PTPRD: variants seen among roughly 807,000 people sequenced by gnomAD.
PTPRD encodes protein tyrosine phosphatase receptor type D, also known as receptor-type tyrosine-protein phosphatase delta.
Under a neutral mutation model 214.5 loss-of-function variants are expected in PTPRD, and 34 were observed. The observed-to-expected ratio is 0.16, with a 90% CI of 0.12 to 0.21. The LOEUF (loss-of-function observed/expected upper bound fraction) is 0.21, where lower values mean the gene tolerates loss of function less well. Among genes scored for constraint, PTPRD ranks in the 10% least tolerant of loss-of-function variants. The pLI, the probability that PTPRD is intolerant of heterozygous loss-of-function variation, is 1.00. For synonymous variants in PTPRD, 1,128 were observed against 845.7 expected, an observed-to-expected ratio of 1.33 and a Z score of -5.79; for missense variants, 2,545 against 2,398.7, an observed-to-expected ratio of 1.06 and a Z score of -1.27.
intron 7 of PTPRD, among the ~76,000 whole-genome samples, chr9:9,718,220 G>A (rs967986669): frequency 5.3e-5 from 8 of 152,166 alleles, no homozygotes; most frequent in African/African-American, 1.7e-4. Context: ...AGAGGAGATG[G>A]CATTGAAAAC....
chr9:9,292,357 A>G (rs1419558672), intron 9 of PTPRD, among the ~76,000 whole-genome samples: 1 of 151,410 alleles, frequency 6.6e-6, no homozygotes, highest in Non-Finnish European at 1.5e-5. Flanking sequence ...ATGATGTAGG[A>G]AGATTTCCCA....
chr9:9,640,890 G>A (rs1028109428), intron 7 of PTPRD, among the ~76,000 whole-genome samples: 3 of 152,204 alleles, frequency 2.0e-5, no homozygotes, highest in Non-Finnish European at 2.9e-5. Flanking sequence ...TATATGCCAA[G>A]CACTGCAGAC....
At chr9:8,910,804 A>G (rs1484933170) in intron 11 of PTPRD, among the ~76,000 whole-genome samples, 2 of 152,256 alleles carry the variant, frequency 1.3e-5, no homozygotes, top group African/African-American at 2.4e-5. Flanking sequence ...TTTTATTTCT[A>G]TGCATTAGCA....
At chr9:10,152,464 T>C (rs1373579797) in intron 3 of PTPRD, among the ~76,000 whole-genome samples, 4 of 152,204 alleles carry the variant, frequency 2.6e-5, no homozygotes, top group Non-Finnish European at 5.9e-5. Context: ...TTTATCGTCA[T>C]ATTCTCTTAA....
intron 11 of PTPRD, among the ~76,000 whole-genome samples, chr9:8,907,798 C>G (rs1281227350): frequency 6.6e-6 from 1 of 151,914 alleles, no homozygotes; most frequent in Non-Finnish European, 1.5e-5. Flanking sequence ...ATGAGTATAG[C>G]TCCAGGGACC....
At chr9:9,203,950 A>C (rs1462082107) in intron 9 of PTPRD, among the ~76,000 whole-genome samples, 2 of 152,156 alleles carry the variant, frequency 1.3e-5, no homozygotes, top group African/African-American at 4.8e-5. Context: ...TGTACTCTTA[A>C]AATTTACAGT....
chr9:8,501,080 A>G (rs2137000807), intron 23 of PTPRD, 21 bp from the exon 24 acceptor site: 1 of 1,596,024 alleles, frequency 6.3e-7, no homozygotes, highest in African/African-American at 1.3e-5. Flanking sequence ...TAGTGAGTTA[A>G]AGGAGGATTT....
chr9:8,371,111 G>A lies in PTPRD; in HGVS notation c.4661+4825C>T, dbSNP rs1343939176. Among the ~76,000 whole-genome samples, 4 of 152,140 alleles carry A rather than the reference G, an allele frequency of 2.6e-5. No homozygotes were observed. In the East Asian group the frequency reaches 7.7e-4, roughly 29 times the overall value. Reference sequence around the variant, plus strand: ...AATTTAATCATGGAATAGATGGTATGTGGGAAAGAACATGAAATGTAGAGT... The same window carrying A: ...AATTTAATCATGGAATAGATGGTATATGGGAAAGAACATGAAATGTAGAGT... On this transcript the variant is annotated intron_variant, in intron 39 of 45. Coordinates refer to ENST00000381196, the MANE Select transcript of PTPRD (RefSeq NM_002839.4).
intron 7 of PTPRD, among the ~76,000 whole-genome samples, chr9:9,696,864 T>G (rs1300637723): frequency 6.6e-6 from 1 of 152,134 alleles, no homozygotes; most frequent in African/African-American, 2.4e-5. Context: ...TCTGGTTGTT[T>G]TACAAATTCT....
chr9:9,399,854 T>C (rs1462353149), intron 8 of PTPRD, among the ~76,000 whole-genome samples: 1 of 152,030 alleles, frequency 6.6e-6, no homozygotes, highest in Non-Finnish European at 1.5e-5. Context: ...TTTCCTTTGC[T>C]AAATTACCCA....
intron 2 of PTPRD, among the ~76,000 whole-genome samples, chr9:10,500,973 T>A (rs2043504984): frequency 6.6e-6 from 1 of 152,084 alleles, no homozygotes; most frequent in Admixed American, 6.6e-5. Context: ...AAACCTTGGC[T>A]ATTGTGAACA....
chr9:9,005,397 A>C (rs1589651515), intron 11 of PTPRD, among the ~76,000 whole-genome samples: 1 of 145,020 alleles, frequency 6.9e-6, no homozygotes, highest in East Asian at 2.0e-4. Context: ...GAGATGCCTA[A>C]TAAATAATGA....
chr9:9,645,913 T>C (rs1180799092), intron 7 of PTPRD, among the ~76,000 whole-genome samples: 4 of 152,242 alleles, frequency 2.6e-5, no homozygotes, highest in Non-Finnish European at 5.9e-5. Flanking sequence ...TTAATTGTTG[T>C]GGATACATAC....
At chr9:9,793,288 G>A (rs1442080915) in intron 5 of PTPRD, among the ~76,000 whole-genome samples, 2 of 152,092 alleles carry the variant, frequency 1.3e-5, no homozygotes, top group Non-Finnish European at 2.9e-5. Flanking sequence ...TATAAAACGT[G>A]CCATTTGATC....
chr9:9,866,258 G>A (rs1002213271), intron 5 of PTPRD, among the ~76,000 whole-genome samples: 1 of 151,882 alleles, frequency 6.6e-6, no homozygotes, highest in African/African-American at 2.4e-5. Flanking sequence ...ATCAGTTGTA[G>A]TTTTGTTAAC....
intron 10 of PTPRD, among the ~76,000 whole-genome samples, chr9:9,144,480 G>A (rs558137268): frequency 2.2e-4 from 33 of 152,274 alleles, no homozygotes; most frequent in Admixed American, 1.5e-3. Context: ...TAGGCCGGGT[G>A]CGGTGACCCA....
At chr9:9,341,126 A>G (rs1019133517) in intron 9 of PTPRD, among the ~76,000 whole-genome samples, 7 of 46,286 alleles carry the variant, frequency 1.5e-4, no homozygotes, top group East Asian at 4.6e-4. Context: ...ATTTATGTGT[A>G]TATATATATA....
At chr9:10,056,614 T>C (rs750610419) in intron 3 of PTPRD, among the ~76,000 whole-genome samples, 10 of 152,136 alleles carry the variant, frequency 6.6e-5, no homozygotes, top group Non-Finnish European at 1.5e-4. Flanking sequence ...ATATCCATCT[T>C]TGCAAAGAGG....
intron 12 of PTPRD, chr9:8,700,640 T>C (rs1476159023): frequency 2.6e-5 from 4 of 152,020 alleles, no homozygotes; most frequent in African/African-American, 9.7e-5. Context: ...GAGAAAAAAA[T>C]CTTTTCATGG....
Sources: allele counts gnomAD v4.1 joint callset (sites outside exome capture counted in the v4.1 genomes callset), GRCh38; gene constraint gnomAD v4.1.1; transcripts MANE v1.5; gene names NCBI Gene and HGNC (gene_info 2026-07-23, HGNC 2026-07-21).